Variants in SLC38A6 observed in about 807,000 individuals in gnomAD.
The protein encoded by SLC38A6 is N system amino acid transporter NAT-1.
SLC38A6 carries 73 observed loss-of-function variants against 65.0 expected under a neutral mutation model. The ratio of observed to expected loss-of-function variants is 1.12; its 90% CI spans 0.93 to 1.37. SLC38A6 has a LOEUF of 1.37. SLC38A6 is among the 40% of genes most tolerant of loss of function. The pLI, the probability that SLC38A6 is intolerant of heterozygous loss-of-function variation, is 0.00. For missense variants in SLC38A6, 561 were observed against 531.1 expected, an observed-to-expected ratio of 1.06 and a Z score of -0.55; for synonymous variants, 183 against 178.8, an observed-to-expected ratio of 1.02 and a Z score of -0.19.
intron 15 of SLC38A6, among the ~76,000 whole-genome samples, chr14:61,074,319 A>T (rs191588094): frequency 4.6e-5 from 7 of 152,356 alleles, no homozygotes; most frequent in Admixed American, 1.3e-4. Context: ...AGGCTACTAT[A>T]ACAAAATACC....
intron 3 of SLC38A6, among the ~76,000 whole-genome samples, chr14:60,997,907 A>T (rs1408242874): frequency 6.6e-6 from 1 of 152,158 alleles, no homozygotes; most frequent in Non-Finnish European, 1.5e-5. Flanking sequence ...TTAGACTTAT[A>T]TGTAGGTGGA....
At chr14:61,028,556 G>A (rs1239268205) in intron 5 of SLC38A6, among the ~76,000 whole-genome samples, 1 of 152,026 alleles carries the variant, frequency 6.6e-6, no homozygotes, top group East Asian at 1.9e-4. Context: ...CAAATTGATA[G>A]CATTTTTCCT....
chr14:61,080,869 A>G (rs191369405), intron 16 of SLC38A6, among the ~76,000 whole-genome samples: 1 of 152,150 alleles, frequency 6.6e-6, no homozygotes, highest in African/African-American at 2.4e-5. Flanking sequence ...ACCTGGTTCA[A>G]ATTTAAGGCT....
chr14:60,987,094 C>T (rs932856158), intron 3 of SLC38A6: 5 of 404,228 alleles, frequency 1.2e-5, no homozygotes, highest in African/African-American at 2.1e-5. Context: ...GTTCTGCCTG[C>T]ACATTGACTC....
At chr14:60,984,111 C>A (rs1032088732) in intron 2 of SLC38A6, among the ~76,000 whole-genome samples, 1 of 152,170 alleles carries the variant, frequency 6.6e-6, no homozygotes, top group Non-Finnish European at 1.5e-5. Flanking sequence ...TTTTCTTTCA[C>A]ACTGTTGGTG....
intron 3 of SLC38A6, among the ~76,000 whole-genome samples, chr14:61,003,036 C>G (rs1002852342): frequency 6.6e-6 from 1 of 151,968 alleles, no homozygotes; most frequent in Non-Finnish European, 1.5e-5. Context: ...AAAAAAATCT[C>G]CTGTTAGTAG....
intron 3 of SLC38A6, among the ~76,000 whole-genome samples, chr14:61,002,779 T>C (rs1310705362): frequency 1.3e-5 from 2 of 152,166 alleles, no homozygotes; most frequent in South Asian, 4.1e-4. Flanking sequence ...TTCTTTAATA[T>C]CAAAAAAAGT....
chr14:61,075,842 G>A (rs2043394117), intron 15 of SLC38A6, among the ~76,000 whole-genome samples: 1 of 145,402 alleles, frequency 6.9e-6, no homozygotes, highest in Non-Finnish European at 1.5e-5. Context: ...TATGTATTTG[G>A]GATCAGAGCC....
intron 15 of SLC38A6, among the ~76,000 whole-genome samples, chr14:61,062,931 A>C (rs2042901966): frequency 1.3e-5 from 2 of 152,144 alleles, no homozygotes; most frequent in South Asian, 4.1e-4. Flanking sequence ...TGCCCGCCTC[A>C]GCCTCCCAAA....
chr14:60,995,872 A>C (rs768375202), intron 3 of SLC38A6, among the ~76,000 whole-genome samples: 2 of 152,214 alleles, frequency 1.3e-5, no homozygotes, highest in Non-Finnish European at 2.9e-5. Context: ...GCCAGAGTTT[A>C]GCAGAGGGAG....
At position 61,050,646 on chromosome 14, in the gene SLC38A6, C is replaced by G. The variant is rs748579291; in HGVS notation, c.1050+10C>G. 1.3e-6 allele frequency: 2 copies of G among 1,533,536 alleles called. No individual in the cohort carries two copies. The highest frequency in any genetic ancestry group is 1.4e-5 in the African/African-American group (1 of 73,522). The allele number at this position is 1,533,536 out of a possible 1,614,324, so 95.0% of individuals were successfully genotyped here. A position where few individuals can be genotyped will look rare whatever the true frequency, so the allele number is the denominator to read the frequency against. ...TCTAATCCACTTCCCTGTAAGTACT[C>G]TTAAAGGGTTTTGTTGCCTAGTATA... On this transcript the variant is annotated intron_variant, in intron 13 of 15. Transcript: ENST00000267488.
chr14:60,999,007 A>C (rs1232969625), intron 3 of SLC38A6, among the ~76,000 whole-genome samples: 1 of 152,242 alleles, frequency 6.6e-6, no homozygotes, highest in Non-Finnish European at 1.5e-5. Flanking sequence ...CAGCATGTGC[A>C]AGGATACAAA....
At chr14:61,042,554 T>G (rs929834577) in intron 8 of SLC38A6, among the ~76,000 whole-genome samples, 1 of 152,192 alleles carries the variant, frequency 6.6e-6, no homozygotes, top group Admixed American at 6.5e-5. Flanking sequence ...CTTTTAATGT[T>G]TTTTTTGTTT....
At chr14:61,039,452 C>T (rs1270320258) in intron 8 of SLC38A6, among the ~76,000 whole-genome samples, 1 of 151,620 alleles carries the variant, frequency 6.6e-6, no homozygotes, top group East Asian at 1.9e-4. Flanking sequence ...TTCACTGTGA[C>T]TTACATCTCC....
chr14:61,017,031 T>A (rs1325168816), intron 4 of SLC38A6, among the ~76,000 whole-genome samples: 1 of 152,052 alleles, frequency 6.6e-6, no homozygotes, highest in Non-Finnish European at 1.5e-5. Context: ...CCAGTTAACT[T>A]TGGTGGAGTT....
intron 3 of SLC38A6, among the ~76,000 whole-genome samples, chr14:60,998,064 T>TA (rs79340918): frequency 0.25 from 37,205 of 150,754 alleles, 4,924 homozygotes; most frequent in Middle Eastern, 0.31. Context: ...AAATAATTTA[T>TA]ATCTAGTATG....
At chr14:61,040,110 A>C (rs985935129) in intron 8 of SLC38A6, among the ~76,000 whole-genome samples, 2 of 151,980 alleles carry the variant, frequency 1.3e-5, no homozygotes, top group Non-Finnish European at 2.9e-5. Context: ...TAAAAGTTCT[A>C]TCTTAAGTAC....
intron 5 of SLC38A6, among the ~76,000 whole-genome samples, chr14:61,023,632 A>G (rs982194210): frequency 2.0e-5 from 3 of 150,470 alleles, no homozygotes; most frequent in African/African-American, 7.3e-5. Context: ...TATGTAAAAT[A>G]TCTATTATTT....
At chr14:60,986,015 C>T (rs1233096013) in intron 3 of SLC38A6, among the ~76,000 whole-genome samples, 1 of 152,242 alleles carries the variant, frequency 6.6e-6, no homozygotes, top group East Asian at 1.9e-4. Context: ...GGATCTGGCC[C>T]CAGGGCCCAA....
Sources: allele counts gnomAD v4.1 joint callset (sites outside exome capture counted in the v4.1 genomes callset), GRCh38; gene constraint gnomAD v4.1.1; transcripts MANE v1.5; gene names NCBI Gene and HGNC (gene_info 2026-07-23, HGNC 2026-07-21).